Variants in H2AC21 observed in about 807,000 individuals in gnomAD.
The protein encoded by H2AC21 is histone H2A type 2-B.
In H2AC21, 3 loss-of-function variants were observed where a neutral mutation model predicts 7.7. The ratio of observed to expected loss-of-function variants is 0.39; its 90% CI spans 0.18 to 1.01. H2AC21 has a LOEUF of 1.01. Ranked by LOEUF, H2AC21 falls within the 50% of genes least tolerant of loss-of-function variation. The pLI is 0.36. For synonymous variants in H2AC21, 119 were observed against 84.2 expected (o/e 1.41, Z -2.26); for missense variants, 173 against 177.9 (o/e 0.97, Z 0.16).
chr1:149,887,620 C>G lies in H2AC21; in HGVS notation c.297G>C (p.Gly99=). 6.2e-7 allele frequency: 1 copy of G among 1,614,220 alleles called. No individual in the cohort carries two copies. The highest frequency in any genetic ancestry group is 8.5e-7 in the Non-Finnish European group (1 of 1,180,042). ...CGCCGCCCTGGGCAATGGTGACACC[C>G]CCGAGTAACTTGTTGAGCTCTTCGT... ...RNDEELNKLL[G]GVTIAQGGVL... Residue 99 remains glycine (G), a synonymous_variant, in exon 1 of 1, where the codon GGG becomes GGC. Transcript: ENST00000331128.
chr1:149,887,475 CTCTTAAAAGAGCCTTTGGGGT>C lies in H2AC21; in HGVS notation c.*28_*48del. On this transcript the variant is annotated 3_prime_UTR_variant, in exon 1 of 1. Transcript: ENST00000331128. ...AGCCCTTCATTTGACACTTTGGTGGCTCTTAAAAGAGCCTTTGGGGTGAATGAGTATGGTGTCAAGCCTCTT... is the reference window on the plus strand; with the variant it reads ...AGCCCTTCATTTGACACTTTGGTGGCGAATGAGTATGGTGTCAAGCCTCTT... 1 of 1,568,390 alleles carries C rather than the reference CTCTTAAAAGAGCCTTTGGGGT, an allele frequency of 6.4e-7. No homozygotes were observed.
In H2AC21 at chr1:149,887,618, C is replaced by A; in HGVS notation, c.299G>T (p.Gly100Val). 2.5e-6 allele frequency: 4 copies of A among 1,614,204 alleles called. No individual in the cohort carries two copies. Among genetic ancestry groups the A allele is most frequent in the Non-Finnish European group, 3.4e-6 (4 of 1,180,036 alleles). ...GACGCCGCCCTGGGCAATGGTGACA[C>A]CCCCGAGTAACTTGTTGAGCTCTTC... is the stretch of plus-strand genomic sequence containing the variant. ...NDEELNKLLG[G>V]VTIAQGGVLP... is the part of the protein sequence containing the mutation. The change falls in exon 1 of 1, where the codon GGT becomes GTT. Residue 100 changes from glycine to valine, a missense_variant. Transcript: ENST00000331128.
Position 149,887,790 on chromosome 1 carries a change from G to A in H2AC21, c.127C>T (p.Arg43Trp), listed in dbSNP as rs377539347. ...RLLRKGNYAE[R>W]VGAGAPVYLA... is the part of the protein sequence containing the mutation. ...TACACCGGGGCGCCTGCCCCGACCC[G>A]CTCCGCGTAGTTGCCTTTGCGCAGC... Residue 43 changes from arginine (R) to tryptophan (W), a missense_variant, in exon 1 of 1, where the codon CGG (arginine) becomes TGG (tryptophan). Transcript: ENST00000331128. The A allele has an allele frequency of 6.2e-7, 1 of 1,614,034 alleles. No individual in the cohort carries two copies. The highest frequency in any genetic ancestry group is 1.1e-5 in the South Asian group (1 of 91,070).
Position 149,887,476 on chromosome 1 carries a change from T to C in H2AC21, c.*48A>G. The C allele has an allele frequency of 1.3e-6, 2 of 1,568,892 alleles. No individual in the cohort carries two copies. The highest frequency in any genetic ancestry group is 1.7e-6 in the Non-Finnish European group (2 of 1,160,524). On this transcript the variant is annotated 3_prime_UTR_variant, in exon 1 of 1. Coordinates refer to ENST00000331128, the MANE Select transcript of H2AC21 (RefSeq NM_175065.3). ...GCCCTTCATTTGACACTTTGGTGGC[T>C]CTTAAAAGAGCCTTTGGGGTGAATG...
chr1:149,887,548 ACT>A lies in H2AC21; in HGVS notation c.367_368del (p.His124GlnfsTer?). 2.5e-6 allele frequency: 4 copies of A among 1,612,644 alleles called. No homozygotes were observed. Among genetic ancestry groups the A allele is most frequent in the Non-Finnish European group, 3.4e-6 (4 of 1,179,428 alleles). ...ATTACTTGTTCTTGCCAGGCTTGTG[ACT>A]CTCCGTTTTCTTGGGCAACAGGACA... is the stretch of plus-strand genomic sequence containing the variant. ...QAVLLPKKTE[S>X]HKPGKNK On this transcript the variant is annotated frameshift_variant, in exon 1 of 1. Coordinates refer to ENST00000331128, the MANE Select transcript of H2AC21 (RefSeq NM_175065.3). LOFTEE classifies it high-confidence loss of function.
In H2AC21 at chr1:149,887,771, G is replaced by A. The variant is rs782198898; in HGVS notation, c.146C>T (p.Pro49Leu). 22 of 1,614,146 alleles carry A rather than the reference G, an allele frequency of 1.4e-5. No homozygotes were observed. The highest frequency in any genetic ancestry group is 2.2e-5 in the East Asian group (1 of 44,876). The change falls in exon 1 of 1, where the codon CCG becomes CTG. Residue 49 changes from proline (P) to leucine (L), a missense_variant. Physicochemically the swap from Pro to Leu is moderately conservative, Grantham distance 98. Coordinates refer to ENST00000331128, the MANE Select transcript of H2AC21 (RefSeq NM_175065.3). ...NYAERVGAGA[P>L]VYLAAVLEYL... is the part of the protein sequence containing the mutation. Reference sequence around the variant, plus strand: ...CTCGAGGACCGCCGCCAGGTACACCGGGGCGCCTGCCCCGACCCGCTCCGC... The same window carrying A: ...CTCGAGGACCGCCGCCAGGTACACCAGGGCGCCTGCCCCGACCCGCTCCGC...
rs1183952677 is a variant in H2AC21 at position 149,887,830 on chromosome 1, C to T, written c.87G>A (p.Gly29=). The change falls in exon 1 of 1, where the codon GGG becomes GGA. Residue 29 remains glycine, a synonymous_variant. Transcript: ENST00000331128. ...CTTTGCGCAGCAAGCGGTGCACTCG[C>T]CCCACCGGGAACTGGAGACCAGCGC... The part of the protein sequence containing the change: ...SSRAGLQFPV[G]RVHRLLRKGN... The T allele has an allele frequency of 1.7e-5, 28 of 1,613,874 alleles. No homozygotes were observed. Among genetic ancestry groups the T allele is most frequent in the Non-Finnish European group, 2.2e-5 (26 of 1,179,944 alleles).
chr1:149,887,551 C>CTCCGT lies in H2AC21; in HGVS notation c.361_365dup (p.Ser123ArgfsTer12). 6.2e-7 allele frequency: 1 copy of CTCCGT among 1,613,552 alleles called. No homozygotes were observed. Among genetic ancestry groups the CTCCGT allele is most frequent in the African/African-American group, 1.3e-5 (1 of 75,016 alleles). On this transcript the variant is annotated frameshift_variant, in exon 1 of 1. Transcript: ENST00000331128. LOFTEE classifies it high-confidence loss of function. The stretch of plus-strand genomic sequence containing the variant: ...ACTTGTTCTTGCCAGGCTTGTGACT[C>CTCCGT]TCCGTTTTCTTGGGCAACAGGACAG...
Position 149,887,749 on chromosome 1 carries a change from G to A in H2AC21, c.168C>T (p.Leu56=), listed in dbSNP as rs140091148. ...CCAGAATTTCCGCGGTCAGGTACTCGAGGACCGCCGCCAGGTACACCGGGG... is the reference window on the plus strand; with the variant it reads ...CCAGAATTTCCGCGGTCAGGTACTCAAGGACCGCCGCCAGGTACACCGGGG... ...AGAPVYLAAV[L]EYLTAEILEL... Residue 56 remains leucine (L), a synonymous_variant, in exon 1 of 1, where the codon CTC becomes CTT. Coordinates refer to ENST00000331128, the MANE Select transcript of H2AC21 (RefSeq NM_175065.3). The A allele has an allele frequency of 6.9e-4, 1,106 of 1,614,160 alleles. No homozygotes were observed. The highest frequency in any genetic ancestry group is 8.6e-4 in the Non-Finnish European group (1,020 of 1,179,996).
At position 149,887,471 on chromosome 1, in the gene H2AC21, G is replaced by A. The variant is rs902708888; in HGVS notation, c.*53C>T. ...GATCAGCCCTTCATTTGACACTTTG[G>A]TGGCTCTTAAAAGAGCCTTTGGGGT... On this transcript the variant is annotated 3_prime_UTR_variant, in exon 1 of 1. Coordinates refer to ENST00000331128, the MANE Select transcript of H2AC21 (RefSeq NM_175065.3). The A allele has an allele frequency of 3.4e-5, 53 of 1,564,810 alleles. No homozygotes were observed. The highest frequency in any genetic ancestry group is 4.1e-5 in the Non-Finnish European group (48 of 1,158,800).
chr1:149,887,864 C>T lies in H2AC21; in HGVS notation c.53G>A (p.Arg18His), dbSNP rs782403243. 1.2e-6 allele frequency: 2 copies of T among 1,613,882 alleles called. No individual in the cohort carries two copies. The highest frequency in any genetic ancestry group is 2.2e-5 in the South Asian group (2 of 91,038). Residue 18 changes from arginine (R) to histidine (H), a missense_variant, in exon 1 of 1, where the codon CGC becomes CAC. By Grantham distance (29) the Arg-to-His change is conservative (BLOSUM62 0). Transcript: ENST00000331128. ...GAACTGGAGACCAGCGCGGGACGAG[C>T]GCGACTTGGCCTTAGCGCGGGCCTT... ...GGKARAKAKS[R>H]SSRAGLQFPV...
chr1:149,887,851 A>C lies in H2AC21; in HGVS notation c.66T>G (p.Ala22=). 6.2e-7 allele frequency: 1 copy of C among 1,613,976 alleles called. No homozygotes were observed. The change falls in exon 1 of 1, where the codon GCT becomes GCG. Residue 22 remains alanine (A), a synonymous_variant. Transcript: ENST00000331128. ...CTCGCCCCACCGGGAACTGGAGACC[A>C]GCGCGGGACGAGCGCGACTTGGCCT... ...RAKAKSRSSR[A]GLQFPVGRVH...
chr1:149,887,854 G>A lies in H2AC21; in HGVS notation c.63C>T (p.Arg21=). 6.2e-7 allele frequency: 1 copy of A among 1,613,954 alleles called. No individual in the cohort carries two copies. The highest frequency in any genetic ancestry group is 1.7e-5 in the Admixed American group (1 of 60,018). ...ARAKAKSRSS[R]AGLQFPVGRV... ...GCCCCACCGGGAACTGGAGACCAGC[G>A]CGGGACGAGCGCGACTTGGCCTTAG... Residue 21 remains arginine (R), a synonymous_variant, in exon 1 of 1, where the codon CGC becomes CGT. Coordinates refer to ENST00000331128, the MANE Select transcript of H2AC21 (RefSeq NM_175065.3).
At position 149,887,515 on chromosome 1, in the gene H2AC21, G is replaced by T. The variant is rs782496981; in HGVS notation, c.*9C>A. 6.2e-7 allele frequency: 1 copy of T among 1,606,332 alleles called. No homozygotes were observed. The highest frequency in any genetic ancestry group is 1.1e-5 in the South Asian group (1 of 90,204). The stretch of plus-strand genomic sequence containing the variant: ...TTGGGGTGAATGAGTATGGTGTCAA[G>T]CCTCTTAATTACTTGTTCTTGCCAG... On this transcript the variant is annotated 3_prime_UTR_variant, in exon 1 of 1. Transcript: ENST00000331128.
Position 149,887,552 on chromosome 1 carries a change from T to A in H2AC21, c.365A>T (p.Glu122Val), listed in dbSNP as rs782398940. ...CTTGTTCTTGCCAGGCTTGTGACTC[T>A]CCGTTTTCTTGGGCAACAGGACAGC... ...IQAVLLPKKTESHKPGKNK is the reference protein window; with the variant it reads ...IQAVLLPKKTVSHKPGKNK Residue 122 changes from glutamate to valine, a missense_variant, in exon 1 of 1, where the codon GAG (glutamate) becomes GTG (valine). Transcript: ENST00000331128. The A allele has an allele frequency of 8.1e-6, 13 of 1,613,394 alleles. 1 individual carries two copies. The highest frequency in any genetic ancestry group is 8.5e-7 in the Non-Finnish European group (1 of 1,179,718).
At position 149,887,713 on chromosome 1, in the gene H2AC21, G is replaced by T. The variant is rs2092316286; in HGVS notation, c.204C>A (p.Gly68=). 6.2e-7 allele frequency: 1 copy of T among 1,614,206 alleles called. No individual in the cohort carries two copies. The highest frequency in any genetic ancestry group is 8.5e-7 in the Non-Finnish European group (1 of 1,180,038). ...YLTAEILELA[G]NAARDNKKTR... is the part of the protein sequence containing the mutation. ...TCTTCTTGTTGTCCCGAGCCGCGTT[G>T]CCCGCCAGCTCCAGAATTTCCGCGG... is the stretch of plus-strand genomic sequence containing the variant. Residue 68 remains glycine (G), a synonymous_variant, in exon 1 of 1, where the codon GGC becomes GGA. Transcript: ENST00000331128.
In H2AC21 at chr1:149,887,734, C is replaced by T; in HGVS notation, c.183G>A (p.Ala61=). The stretch of plus-strand genomic sequence containing the variant: ...CGTTGCCCGCCAGCTCCAGAATTTC[C>T]GCGGTCAGGTACTCGAGGACCGCCG... ...YLAAVLEYLT[A]EILELAGNAA... is the part of the protein sequence containing the mutation. Residue 61 remains alanine (A), a synonymous_variant, in exon 1 of 1, where the codon GCG becomes GCA. Coordinates refer to ENST00000331128, the MANE Select transcript of H2AC21 (RefSeq NM_175065.3). 3 of 1,614,164 alleles carry T rather than the reference C, an allele frequency of 1.9e-6. No individual in the cohort carries two copies. Among genetic ancestry groups the T allele is most frequent in the Non-Finnish European group, 2.5e-6 (3 of 1,180,006 alleles).
At position 149,887,511 on chromosome 1, in the gene H2AC21, T is replaced by A; in HGVS notation, c.*13A>T. 1.2e-6 allele frequency: 2 copies of A among 1,604,830 alleles called. No homozygotes were observed. The highest frequency in any genetic ancestry group is 1.7e-6 in the Non-Finnish European group (2 of 1,174,744). ...GCCTTTGGGGTGAATGAGTATGGTG[T>A]CAAGCCTCTTAATTACTTGTTCTTG... On this transcript the variant is annotated 3_prime_UTR_variant, in exon 1 of 1. Coordinates refer to ENST00000331128, the MANE Select transcript of H2AC21 (RefSeq NM_175065.3).
rs2092315081 is a variant in H2AC21 at position 149,887,585 on chromosome 1, T to C, written c.332A>G (p.Asn111Ser). The C allele has an allele frequency of 6.2e-7, 1 of 1,613,750 alleles. No individual in the cohort carries two copies. Among genetic ancestry groups the C allele is most frequent in the Non-Finnish European group, 8.5e-7 (1 of 1,179,930 alleles). ...VTIAQGGVLP[N>S]IQAVLLPKKT... Reference sequence around the variant, plus strand: ...CTTGGGCAACAGGACAGCCTGGATATTGGGCAAGACGCCGCCCTGGGCAAT... The same window carrying C: ...CTTGGGCAACAGGACAGCCTGGATACTGGGCAAGACGCCGCCCTGGGCAAT... The change falls in exon 1 of 1, where the codon AAT becomes AGT. Residue 111 changes from asparagine (N) to serine (S), a missense_variant. Physicochemically the swap from Asn to Ser is conservative, Grantham distance 46. Coordinates refer to ENST00000331128, the MANE Select transcript of H2AC21 (RefSeq NM_175065.3).
Sources: gnomAD v4.1 joint callset for allele counts on GRCh38, gnomAD v4.1.1 for gene constraint, MANE v1.5 for transcripts, NCBI Gene and HGNC (gene_info 2026-07-23, HGNC 2026-07-21) for gene names.